Variants in SLC12A7 observed in about 807,000 individuals in gnomAD.
SLC12A7 encodes the protein solute carrier family 12 member 7.
SLC12A7 carries 100 observed loss-of-function variants against 120.6 expected under a neutral mutation model. That is an observed-to-expected ratio of 0.83 (90% CI 0.71 to 0.98). The LOEUF is 0.98. SLC12A7 is among the 50% of genes least tolerant of loss of function. SLC12A7 has a pLI of 0.00. For missense variants in SLC12A7, 1,373 were observed against 1,548.1 expected (o/e 0.89, Z 1.90); for synonymous variants, 760 against 678.0 (o/e 1.12, Z -1.88).
chr5:1,104,535 G>A (rs1432203169), intron 1 of SLC12A7, among the ~76,000 whole-genome samples: 1 of 152,160 alleles, frequency 6.6e-6, no homozygotes, highest in Admixed American at 6.5e-5. Flanking sequence ...TTGGGCTCAG[G>A]TCCCAGCCCC....
chr5:1,134,091 C>T, the SLC12A7 span, among the ~76,000 whole-genome samples: 2 of 152,298 alleles, frequency 1.3e-5, no homozygotes, highest in Admixed American at 6.5e-5. Context: ...AAAAGCCTCC[C>T]GGCTGATTCT....
At position 1,081,115 on chromosome 5, in the gene SLC12A7, A is replaced by AAAGGGTAGGGGGAGAGAG. The variant is rs2150846832; in HGVS notation, c.1297+461_1297+462insCTCTCTCCCCCTACCCTT. Among the ~76,000 whole-genome samples the AAAGGGTAGGGGGAGAGAG allele has an allele frequency of 1.7e-3, 6 of 3,588 alleles. No homozygotes were observed. In the South Asian group the frequency reaches 0.3, roughly 179 times the overall value. 2.4% of individuals were successfully genotyped at this position (3,588 alleles called of 152,430 possible). A position where few individuals can be genotyped will look rare whatever the true frequency, so the allele number is the denominator to read the frequency against. ...AGGGAAAAGGGTAGGGGGAGAGAGAAAGAGTGCCGGAGGAGAGAATGACAG... is the reference window on the plus strand; with the variant it reads ...AGGGAAAAGGGTAGGGGGAGAGAGAAAAGGGTAGGGGGAGAGAGAGAGTGCCGGAGGAGAGAATGACAG... On this transcript the variant is annotated intron_variant, in intron 9 of 23. Coordinates refer to ENST00000264930, the MANE Select transcript of SLC12A7 (RefSeq NM_006598.3).
chr5:1,129,850 A>G, the SLC12A7 span, among the ~76,000 whole-genome samples: 3,990 of 152,256 alleles, frequency 0.026, 79 homozygotes, highest in Middle Eastern at 0.11. Context: ...TTCAAGAGGA[A>G]AAGAACGCCC....
chr5:1,154,504 C>G, the SLC12A7 span, among the ~76,000 whole-genome samples: 690 of 152,084 alleles, frequency 4.5e-3, 10 homozygotes, highest in African/African-American at 0.016. Context: ...ACACTATAGA[C>G]ATATACACAT....
rs1561075568 is a variant in SLC12A7, at chr5:1,083,735, T to C, written c.1129+10A>G. ...CCCCCCAGCTCCAGCTGCAGCCCTG[T>C]GAGCCTCACCCAGGAAGACACCACT... On this transcript the variant is annotated intron_variant, in intron 8 of 23. Coordinates refer to ENST00000264930, the MANE Select transcript of SLC12A7 (RefSeq NM_006598.3). 1.2e-6 allele frequency: 2 copies of C among 1,611,188 alleles called. No individual in the cohort carries two copies. Among genetic ancestry groups the C allele is most frequent in the African/African-American group, 2.7e-5 (2 of 75,042 alleles).
chr5:1,098,216 G>T (rs1185149799), intron 1 of SLC12A7, among the ~76,000 whole-genome samples: 15 of 74,288 alleles, frequency 2.0e-4, no homozygotes, highest in African/African-American at 8.9e-4. Flanking sequence ...TGCACACCCA[G>T]CCCCCCTCTA....
intron 13 of SLC12A7, 145 bp downstream of exon 13, chr5:1,076,549 G>T: frequency 1.5e-6 from 1 of 674,064 alleles, no homozygotes; most frequent in Non-Finnish European, 2.6e-6. Flanking sequence ...CTTCCCCGGC[G>T]CAACTCCCTT....
At chr5:1,124,422 T>C in the SLC12A7 span, among the ~76,000 whole-genome samples, 1 of 152,144 alleles carries the variant, frequency 6.6e-6, no homozygotes, top group Non-Finnish European at 1.5e-5. Flanking sequence ...GCTTCCAAAG[T>C]ACAGAGAAAC....
chr5:1,101,414 T>C (rs1029748707), intron 1 of SLC12A7, among the ~76,000 whole-genome samples: 5 of 152,142 alleles, frequency 3.3e-5, no homozygotes, highest in East Asian at 1.9e-4. Flanking sequence ...AGGCCCGACC[T>C]GGGTCCAGGC....
rs868369724 is a variant in SLC12A7, at chr5:1,078,891, C to T, written c.1397-133G>A. 1.3e-4 allele frequency: 93 copies of T among 708,222 alleles called. No homozygotes were observed. The Middle Eastern group carries it at 1.5e-3, about 12-fold the overall frequency. 43.9% of individuals were successfully genotyped at this position (708,222 alleles called of 1,614,324 possible). A position where few individuals can be genotyped will look rare whatever the true frequency, so the allele number is the denominator to read the frequency against. On this transcript the variant is annotated intron_variant, in intron 10 of 23. Transcript: ENST00000264930. ...CCGCAGGATCCAGGTGGGCGGGGAC[C>T]GTTCTGCATCCCATCCCATCCCGGG...
intron 20 of SLC12A7, among the ~76,000 whole-genome samples, chr5:1,060,840 A>G (rs1029315710): frequency 4.6e-5 from 7 of 151,348 alleles, no homozygotes; most frequent in African/African-American, 1.7e-4. Context: ...GCACCATGGG[A>G]AACCCACCCA....
chr5:1,113,022 G>A (rs1413000984), upstream of SLC12A7, among the ~76,000 whole-genome samples: 1 of 152,038 alleles, frequency 6.6e-6, no homozygotes. Flanking sequence ...AGGGAAGGTG[G>A]AGTTCCAGAA....
chr5:1,081,105 G>C lies in SLC12A7; in HGVS notation c.1297+472C>G, dbSNP rs563819717. ...ACAGAGAGAGAGGGAAAAGGGTAGG[G>C]GGAGAGAGAAAGAGTGCCGGAGGAG... is the stretch of plus-strand genomic sequence containing the variant. On this transcript the variant is annotated intron_variant, in intron 9 of 23. Coordinates refer to ENST00000264930, the MANE Select transcript of SLC12A7 (RefSeq NM_006598.3). Among the ~76,000 whole-genome samples, 321 of 17,908 alleles carry C rather than the reference G, an allele frequency of 0.018. 1 individual carries two copies. The Non-Finnish European group carries it at 0.31, about 17-fold the overall frequency. The allele number at this position is 17,908 out of a possible 152,430, so 11.7% of individuals were successfully genotyped here.
At chr5:1,110,580 G>T (rs1742921449) in intron 1 of SLC12A7, among the ~76,000 whole-genome samples, 1 of 152,238 alleles carries the variant, frequency 6.6e-6, no homozygotes, top group African/African-American at 2.4e-5. Context: ...ACAAGAAGAG[G>T]CTCCTTCTGA....
At chr5:1,076,617 C>G in intron 13 of SLC12A7, 77 bp downstream of exon 13, 2 of 1,065,698 alleles carry the variant, frequency 1.9e-6, no homozygotes, top group South Asian at 1.3e-5. Context: ...TTGTCCTGAG[C>G]AGGACCTCCC....
At chr5:1,133,034 C>A in the SLC12A7 span, among the ~76,000 whole-genome samples, 1 of 152,200 alleles carries the variant, frequency 6.6e-6, no homozygotes, top group Admixed American at 6.5e-5. Flanking sequence ...TCTCCTGCCT[C>A]AACCTCCCAA....
chr5:1,091,479 A>G (rs1158695362), intron 3 of SLC12A7, among the ~76,000 whole-genome samples: 2 of 152,142 alleles, frequency 1.3e-5, no homozygotes, highest in African/African-American at 4.8e-5. Context: ...CTCCCTGGAG[A>G]AAGCCAACAT....
chr5:1,137,236 C>T, the SLC12A7 span, among the ~76,000 whole-genome samples: 1 of 152,146 alleles, frequency 6.6e-6, no homozygotes, highest in African/African-American at 2.4e-5. Context: ...TGCCCTCTTC[C>T]CAGAGCACTC....
upstream of SLC12A7, among the ~76,000 whole-genome samples, chr5:1,112,956 C>A (rs888540335): frequency 6.6e-6 from 1 of 151,448 alleles, no homozygotes; most frequent in Admixed American, 6.6e-5. Context: ...CGGCCCCTGC[C>A]CTAGAACCCT....
Sources: allele counts gnomAD v4.1 joint callset (sites outside exome capture counted in the v4.1 genomes callset), GRCh38; gene constraint gnomAD v4.1.1; transcripts MANE v1.5; gene names NCBI Gene and HGNC (gene_info 2026-07-23, HGNC 2026-07-21).